Variants in CACNB2 observed in about 807,000 individuals in gnomAD.
CACNB2 encodes voltage-dependent L-type calcium channel subunit beta-2.
CACNB2 carries 42 observed loss-of-function variants against 73.3 expected under a neutral mutation model. That is an observed-to-expected ratio of 0.57 (90% CI 0.45 to 0.74). The LOEUF (loss-of-function observed/expected upper bound fraction) is 0.74, where lower values mean the gene tolerates loss of function less well. Ranked by LOEUF, CACNB2 falls within the 30% of genes least tolerant of loss-of-function variation. The pLI is 0.00. For synonymous variants in CACNB2, 348 were observed against 310.3 expected (o/e 1.12, Z -1.28); for missense variants, 940 against 853.0 (o/e 1.10, Z -1.27).
intron 2 of CACNB2, among the ~76,000 whole-genome samples, chr10:18,233,574 G>A (rs763687643): frequency 3.9e-5 from 6 of 151,910 alleles, no homozygotes; most frequent in African/African-American, 1.5e-4. Flanking sequence ...GGGTTTGATC[G>A]CAAGCTCTGC....
At chr10:18,495,430 G>C (rs2049733380) in intron 3 of CACNB2, among the ~76,000 whole-genome samples, 1 of 152,050 alleles carries the variant, frequency 6.6e-6, no homozygotes, top group Non-Finnish European at 1.5e-5. Flanking sequence ...TATTGGTCAG[G>C]CTGGTCTAGA....
chr10:18,215,320 A>G (rs1032243189), intron 2 of CACNB2, among the ~76,000 whole-genome samples: 3 of 152,120 alleles, frequency 2.0e-5, no homozygotes, highest in African/African-American at 4.8e-5. Context: ...CCAAATTTTC[A>G]TGACCATCGG....
At chr10:18,436,110 A>C (rs2046124590) in intron 3 of CACNB2, among the ~76,000 whole-genome samples, 1 of 152,250 alleles carries the variant, frequency 6.6e-6, no homozygotes, top group South Asian at 2.1e-4. Flanking sequence ...GAATGTTTTA[A>C]AAGATAAAAG....
chr10:18,169,082 A>G (rs1190410443), intron 2 of CACNB2, among the ~76,000 whole-genome samples: 1 of 152,230 alleles, frequency 6.6e-6, no homozygotes, highest in Admixed American at 6.5e-5. Context: ...TACTAATAAT[A>G]GCTGTAATAG....
chr10:18,314,259 A>G (rs992192695), intron 2 of CACNB2, among the ~76,000 whole-genome samples: 1 of 152,234 alleles, frequency 6.6e-6, no homozygotes. Context: ...GAAAAGTAAG[A>G]GCTGTATAAT....
intron 2 of CACNB2, among the ~76,000 whole-genome samples, chr10:18,296,034 G>A (rs1315583182): frequency 9.7e-6 from 1 of 102,968 alleles, no homozygotes; most frequent in Non-Finnish European, 1.9e-5. Flanking sequence ...TACCCTCCGT[G>A]ATCACTGTAT....
chr10:18,305,132 C>T (rs1170661751), intron 2 of CACNB2, among the ~76,000 whole-genome samples: 1 of 152,176 alleles, frequency 6.6e-6, no homozygotes, highest in African/African-American at 2.4e-5. Flanking sequence ...CCTGTGGGAA[C>T]TTCATCACTT....
chr10:18,354,226 G>A (rs1355265815), intron 2 of CACNB2, among the ~76,000 whole-genome samples: 7 of 152,068 alleles, frequency 4.6e-5, no homozygotes, highest in Non-Finnish European at 7.4e-5. Context: ...ATGATAATGA[G>A]GTATTAATCA....
At chr10:18,261,088 G>T in intron 2 of CACNB2, 30 of 1,407,652 alleles carry the variant, frequency 2.1e-5, no homozygotes, top group East Asian at 5.7e-5. Flanking sequence ...ACAAAGTTTT[G>T]GCATGCCTGC....
chr10:18,459,912 T>TA (rs2047475273), intron 3 of CACNB2, among the ~76,000 whole-genome samples: 2 of 152,152 alleles, frequency 1.3e-5, no homozygotes, highest in African/African-American at 4.8e-5. Context: ...GTGAAAGAAT[T>TA]ACTTGAACCC....
At chr10:18,496,227 T>C (rs992499559) in intron 3 of CACNB2, among the ~76,000 whole-genome samples, 48 of 149,266 alleles carry the variant, frequency 3.2e-4, no homozygotes, top group Middle Eastern at 3.5e-3. Context: ...TGTCAATAAC[T>C]GGCTTCCAAA....
At chr10:18,230,947 A>G (rs1245558682) in intron 2 of CACNB2, among the ~76,000 whole-genome samples, 1 of 152,080 alleles carries the variant, frequency 6.6e-6, no homozygotes, top group Non-Finnish European at 1.5e-5. Flanking sequence ...AAATTTCTCA[A>G]TGGCAATGTG....
chr10:18,515,618 G>A (rs1205432343), intron 7 of CACNB2, among the ~76,000 whole-genome samples: 2 of 152,334 alleles, frequency 1.3e-5, no homozygotes, highest in African/African-American at 2.4e-5. Flanking sequence ...GAAAACTTCA[G>A]CACTCTGGGC....
At chr10:18,237,704 A>G (rs1429014493) in intron 2 of CACNB2, among the ~76,000 whole-genome samples, 1 of 152,208 alleles carries the variant, frequency 6.6e-6, no homozygotes, top group Non-Finnish European at 1.5e-5. Context: ...GTGCATCAAC[A>G]AAGACAGGAA....
At chr10:18,208,107 T>C (rs1039609481) in intron 2 of CACNB2, among the ~76,000 whole-genome samples, 3 of 152,182 alleles carry the variant, frequency 2.0e-5, no homozygotes, top group African/African-American at 7.2e-5. Flanking sequence ...TGCTAAACCC[T>C]AAAACCCAAA....
intron 2 of CACNB2, among the ~76,000 whole-genome samples, chr10:18,348,118 AAT>A (rs1273804949): frequency 6.6e-6 from 1 of 152,238 alleles, no homozygotes; most frequent in Non-Finnish European, 1.5e-5. Context: ...GGTGAAGTTA[AAT>A]GTGGCCTCTG....
intron 2 of CACNB2, among the ~76,000 whole-genome samples, chr10:18,380,608 C>G (rs1169829193): frequency 6.6e-6 from 1 of 151,716 alleles, no homozygotes; most frequent in Non-Finnish European, 1.5e-5. Context: ...GCACGTGCCA[C>G]CACGCCCAGC....
intron 2 of CACNB2, among the ~76,000 whole-genome samples, chr10:18,312,616 G>A (rs2040004606): frequency 6.6e-6 from 1 of 152,156 alleles, no homozygotes; most frequent in Non-Finnish European, 1.5e-5. Flanking sequence ...AGGATGCAGG[G>A]AGGAAGAGCT....
chr10:18,444,056 C>G (rs573176989), intron 3 of CACNB2, among the ~76,000 whole-genome samples: 65 of 152,256 alleles, frequency 4.3e-4, no homozygotes, highest in Non-Finnish European at 7.1e-4. Context: ...GATCCCTTTT[C>G]ATCACTCCCA....
Sources: gnomAD v4.1 joint callset for allele counts (sites outside exome capture counted in the v4.1 genomes callset) on GRCh38, gnomAD v4.1.1 for gene constraint, MANE v1.5 for transcripts, NCBI Gene and HGNC (gene_info 2026-07-23, HGNC 2026-07-21) for gene names.